SNX4: variants seen among roughly 807,000 people sequenced by gnomAD.
SNX4 encodes sorting nexin 4.
SNX4 carries 49 observed loss-of-function variants against 70.8 expected under a neutral mutation model. That is an observed-to-expected ratio of 0.69 (90% CI 0.55 to 0.88). The LOEUF is 0.88. SNX4 is among the 40% of genes least tolerant of loss of function. The pLI is 0.00. For synonymous variants in SNX4, 206 were observed against 183.8 expected (o/e 1.12, Z -0.98); for missense variants, 528 against 544.8 (o/e 0.97, Z 0.31).
chr3:125,466,650 G>C lies in SNX4; in HGVS notation c.854+2804C>G, dbSNP rs375213395. 2.4e-4 allele frequency among the ~76,000 whole-genome samples: 37 copies of C among 152,330 alleles called. No individual in the cohort carries two copies. In the East Asian group the frequency reaches 5.8e-3, roughly 24 times the overall value. On this transcript the variant is annotated intron_variant, in intron 9 of 13. Coordinates refer to ENST00000251775, the MANE Select transcript of SNX4 (RefSeq NM_003794.4). Reference sequence around the variant, plus strand: ...ATTTAAAAATGGGCAAAGGAGGCCAGGCGTGGTGGCTCACACCTGTAATCC... The same window carrying C: ...ATTTAAAAATGGGCAAAGGAGGCCACGCGTGGTGGCTCACACCTGTAATCC...
At chr3:125,471,978 T>A (rs1290772826) in intron 8 of SNX4, among the ~76,000 whole-genome samples, 1 of 152,134 alleles carries the variant, frequency 6.6e-6, no homozygotes, top group Non-Finnish European at 1.5e-5. Context: ...AAAACAAACA[T>A]AACATCAGCA....
Position 125,446,873 on chromosome 3 carries a change from T to C in SNX4, c.*906A>G, listed in dbSNP as rs1431985890. ...CAAACACACATACAAAAAAACAATA[T>C]AATTTATCTTTACAAAAATTACAGC... On this transcript the variant is annotated 3_prime_UTR_variant, in exon 14 of 14. Transcript: ENST00000251775. 1 of 152,540 alleles carries C rather than the reference T, an allele frequency of 6.6e-6. No individual in the cohort carries two copies. Among genetic ancestry groups the C allele is most frequent in the Non-Finnish European group, 1.5e-5 (1 of 68,024 alleles). The allele number at this position is 152,540 out of a possible 1,614,324, so 9.4% of individuals were successfully genotyped here. A position where few individuals can be genotyped will look rare whatever the true frequency, so the allele number is the denominator to read the frequency against.
intron 8 of SNX4, among the ~76,000 whole-genome samples, chr3:125,470,938 C>G (rs9809534): frequency 0.12 from 18,717 of 152,160 alleles, 1,215 homozygotes; most frequent in South Asian, 0.16. Flanking sequence ...ACATGGTTTA[C>G]TCAGTCAGGC....
At chr3:125,453,140 A>G (rs1224652290) in intron 12 of SNX4, among the ~76,000 whole-genome samples, 1 of 152,212 alleles carries the variant, frequency 6.6e-6, no homozygotes, top group East Asian at 1.9e-4. Context: ...GCTAAGCCCT[A>G]TGTAAGGCAC....
chr3:125,448,155 T>C (rs994799850), intron 13 of SNX4, among the ~76,000 whole-genome samples: 2 of 151,592 alleles, frequency 1.3e-5, no homozygotes, highest in African/African-American at 4.8e-5. Context: ...TTTTTGGAGA[T>C]AGGGTCTCAC....
intron 12 of SNX4, 119 bp from the exon 13 acceptor site, chr3:125,451,538 C>A: frequency 1.5e-6 from 1 of 651,096 alleles, no homozygotes; most frequent in East Asian, 2.7e-5. Flanking sequence ...AGAGTTATTG[C>A]TTGTATAAGA....
At chr3:125,483,058 C>T (rs770526187) in intron 6 of SNX4, among the ~76,000 whole-genome samples, 11 of 151,542 alleles carry the variant, frequency 7.3e-5, no homozygotes, top group South Asian at 6.2e-4. Context: ...ACAACTTTTC[C>T]GTACTTATCA....
chr3:125,475,407 C>T (rs1184710302), intron 8 of SNX4, among the ~76,000 whole-genome samples: 1 of 152,100 alleles, frequency 6.6e-6, no homozygotes, highest in Non-Finnish European at 1.5e-5. Context: ...CTCTGCCGCC[C>T]AGGCTGGAGT....
intron 11 of SNX4, 32 bp from the exon 12 acceptor site, chr3:125,453,987 A>C: frequency 6.3e-7 from 1 of 1,597,886 alleles, no homozygotes; most frequent in South Asian, 1.1e-5. Flanking sequence ...TGAATGGATA[A>C]ACAAAATGCG....
At chr3:125,476,669 A>G in intron 8 of SNX4, 26 bp downstream of exon 8, 1 of 1,405,554 alleles carries the variant, frequency 7.1e-7, no homozygotes, top group Non-Finnish European at 1.0e-6. Flanking sequence ...AAAGCTAATT[A>G]TTTTTAAAGT....
At chr3:125,471,344 C>CAAAAAA (rs767432586) in intron 8 of SNX4, among the ~76,000 whole-genome samples, 3 of 28,160 alleles carry the variant, frequency 1.1e-4, no homozygotes, top group African/African-American at 5.5e-4. Flanking sequence ...AGCTCCATCT[C>CAAAAAA]AAAAAAAAAA....
intron 6 of SNX4, among the ~76,000 whole-genome samples, chr3:125,484,652 A>G (rs1015725386): frequency 2.0e-5 from 3 of 152,160 alleles, no homozygotes; most frequent in Non-Finnish European, 2.9e-5. Context: ...CATGTTGAAA[A>G]GACCCTCCAT....
intron 2 of SNX4, among the ~76,000 whole-genome samples, chr3:125,502,188 C>A (rs1934943199): frequency 2.0e-5 from 3 of 151,968 alleles, no homozygotes; most frequent in Admixed American, 2.0e-4. Flanking sequence ...AACAAAAAAA[C>A]AGAAACAAAA....
At chr3:125,477,683 T>G (rs922536278) in intron 7 of SNX4, among the ~76,000 whole-genome samples, 9 of 152,194 alleles carry the variant, frequency 5.9e-5, no homozygotes, top group Admixed American at 1.3e-4. Context: ...GAACCGCCAC[T>G]GCAAATACTT....
intron 12 of SNX4, 80 bp from the exon 13 acceptor site, chr3:125,451,499 G>T: frequency 2.0e-6 from 2 of 1,009,668 alleles, no homozygotes; most frequent in South Asian, 3.1e-5. Context: ...TCTCATTGGC[G>T]TTGGTTTTTA....
At chr3:125,463,203 T>C (rs181459199) in intron 9 of SNX4, among the ~76,000 whole-genome samples, 1 of 152,334 alleles carries the variant, frequency 6.6e-6, no homozygotes, top group East Asian at 1.9e-4. Flanking sequence ...GCAGTGAACA[T>C]ATACATTCTG....
chr3:125,480,382 GA>G, intron 6 of SNX4, 63 bp from the exon 7 acceptor site: 3 of 1,039,768 alleles, frequency 2.9e-6, no homozygotes, highest in Non-Finnish European at 2.7e-6. Flanking sequence ...AAAACTGAAA[GA>G]AAAAAACAGT....
chr3:125,516,074 G>C (rs1475634128), intron 1 of SNX4, among the ~76,000 whole-genome samples: 2 of 152,252 alleles, frequency 1.3e-5, no homozygotes, highest in Admixed American at 6.5e-5. Flanking sequence ...ATGTGCACGG[G>C]AATTTTTAAC....
rs1935369992 is a variant in SNX4 at position 125,519,948 on chromosome 3, G to GCCCAGCCCAGCCCA, written c.141+83_141+84insTGGGCTGGGCTGGG. 6.5e-6 allele frequency: 5 copies of GCCCAGCCCAGCCCA among 769,280 alleles called. No individual in the cohort carries two copies. In the African/African-American group the frequency reaches 1.1e-4, roughly 17 times the overall value. 47.7% of individuals were successfully genotyped at this position (769,280 alleles called of 1,614,324 possible). ...TCGGCCGAGCCCACTGGCCCGGCCC[G>GCCCAGCCCAGCCCA]GCCCAGCCCAGCCCAGCCCAGCCCA... On this transcript the variant is annotated intron_variant, in intron 1 of 13. Coordinates refer to ENST00000251775, the MANE Select transcript of SNX4 (RefSeq NM_003794.4).
Sources: allele counts gnomAD v4.1 joint callset (sites outside exome capture counted in the v4.1 genomes callset), GRCh38; gene constraint gnomAD v4.1.1; transcripts MANE v1.5; gene names NCBI Gene and HGNC (gene_info 2026-07-23, HGNC 2026-07-21).